Variants in KRT80 observed in about 807,000 individuals in gnomAD.
KRT80 encodes the protein keratin 80, also known as keratin, type II cytoskeletal 80.
KRT80 carries 36 observed loss-of-function variants against 51.5 expected under a neutral mutation model. That is an observed-to-expected ratio of 0.70 (90% CI 0.54 to 0.92). The LOEUF (loss-of-function observed/expected upper bound fraction) is 0.92. KRT80 is among the 40% of genes least tolerant of loss of function. The pLI is 0.00. For missense variants in KRT80, 566 were observed against 591.7 expected (o/e 0.96, Z 0.45); for synonymous variants, 235 against 248.3 (o/e 0.95, Z 0.50).
intron 4 of KRT80, among the ~76,000 whole-genome samples, chr12:52,177,212 T>C (rs577427298): frequency 6.6e-6 from 1 of 152,274 alleles, no homozygotes; most frequent in South Asian, 2.1e-4. Context: ...CACTAAACAG[T>C]AGTTAAGGAT....
chr12:52,191,476 G>T, intron 1 of KRT80, 127 bp downstream of exon 1: 1 of 937,112 alleles, frequency 1.1e-6, no homozygotes, highest in Non-Finnish European at 1.6e-6. Context: ...CGGGTTAGCA[G>T]TGCCATCTCC....
intron 4 of KRT80, among the ~76,000 whole-genome samples, chr12:52,178,573 C>A (rs1430539792): frequency 1.3e-5 from 2 of 152,206 alleles, no homozygotes; most frequent in Admixed American, 1.3e-4. Context: ...AGCGCAGCAC[C>A]CGGTTTCTTT....
In KRT80 at chr12:52,172,283, T is replaced by C; in HGVS notation, c.1093A>G (p.Lys365Glu). The change falls in exon 7 of 9, where the codon AAG becomes GAG. Residue 365 changes from lysine (K) to glutamate (E), a missense_variant. By Grantham distance (56) the Lys-to-Glu change is moderately conservative. Coordinates refer to ENST00000394815, the MANE Select transcript of KRT80 (RefSeq NM_182507.3). ...AKQDMARQLR[K>E]YQELMNVKLA... ...TTGACGTTCATCAGCTCCTGGTACT[T>C]GCGCAGCTGCCGCGCCATGTCCTGC... 6.2e-7 allele frequency: 1 copy of C among 1,613,936 alleles called. No homozygotes were observed. Among genetic ancestry groups the C allele is most frequent in the Non-Finnish European group, 8.5e-7 (1 of 1,179,862 alleles).
At chr12:52,191,076 A>G (rs1947431623) in intron 1 of KRT80, among the ~76,000 whole-genome samples, 1 of 152,162 alleles carries the variant, frequency 6.6e-6, no homozygotes, top group Non-Finnish European at 1.5e-5. Context: ...CCTCACTTGC[A>G]GCAGTCTGGG....
rs1046752908 is a variant in KRT80, at chr12:52,169,819, G to A, written c.*1579C>T. On this transcript the variant is annotated 3_prime_UTR_variant, in exon 9 of 9. Coordinates refer to ENST00000394815, the MANE Select transcript of KRT80 (RefSeq NM_182507.3). ...CAGCACCCTCTTTTGGGACTTTGGG[G>A]ATGAGAATCTCTGAGTTCCCATGGC... 1 of 152,272 alleles carries A rather than the reference G, an allele frequency of 6.6e-6. No homozygotes were observed. The highest frequency in any genetic ancestry group is 2.4e-5 in the African/African-American group (1 of 41,458). 9.4% of individuals were successfully genotyped at this position (152,272 alleles called of 1,614,324 possible). A position where few individuals can be genotyped will look rare whatever the true frequency, so the allele number is the denominator to read the frequency against.
chr12:52,185,374 CG>C lies in KRT80; in HGVS notation c.509+4del. The C allele has an allele frequency of 6.2e-7, 1 of 1,607,286 alleles. No homozygotes were observed. The highest frequency in any genetic ancestry group is 8.5e-7 in the Non-Finnish European group (1 of 1,176,312). On this transcript the variant is annotated splice_donor_region_variant and intron_variant, in intron 2 of 8. Transcript: ENST00000394815. ...TGCTCATGGCTCTCATGGGGCTCTA[CG>C]TACCTGATTCGAAACTCCTCAACCT... is the stretch of plus-strand genomic sequence containing the variant.
At chr12:52,179,733 C>T (rs1951258420) in intron 4 of KRT80, among the ~76,000 whole-genome samples, 2 of 152,252 alleles carry the variant, frequency 1.3e-5, no homozygotes, top group African/African-American at 2.4e-5. Context: ...CAGCAGTGTG[C>T]AGCACTTAGG....
At chr12:52,185,609 G>T (rs780247877) in intron 1 of KRT80, 22 bp from the exon 2 acceptor site, 3 of 1,599,484 alleles carry the variant, frequency 1.9e-6, no homozygotes, top group Non-Finnish European at 1.7e-6. Context: ...GGAAGGCGGC[G>T]AATGGGTCAG....
At chr12:52,186,942 C>T (rs1281423449) in intron 1 of KRT80, among the ~76,000 whole-genome samples, 2 of 152,154 alleles carry the variant, frequency 1.3e-5, no homozygotes, top group Non-Finnish European at 2.9e-5. Context: ...CTCCTCTCCT[C>T]CCCATTTGTT....
At chr12:52,187,547 T>C (rs1941424744) in intron 1 of KRT80, among the ~76,000 whole-genome samples, 1 of 152,212 alleles carries the variant, frequency 6.6e-6, no homozygotes, top group African/African-American at 2.4e-5. Flanking sequence ...TGAAGTGCTC[T>C]GACGACCCTT....
Position 52,191,904 on chromosome 12 carries a change from G to T in KRT80, c.-2C>A. ...AACCACGCAGGAGCGGCAGGCCATG[G>T]TGCCCCCGGCCGGAAGCAGGAGGGC... On this transcript the variant is annotated 5_prime_UTR_variant, in exon 1 of 9. Coordinates refer to ENST00000394815, the MANE Select transcript of KRT80 (RefSeq NM_182507.3). The T allele has an allele frequency of 1.4e-6, 2 of 1,465,854 alleles. No individual in the cohort carries two copies. The highest frequency in any genetic ancestry group is 1.8e-6 in the Non-Finnish European group (2 of 1,106,686). The allele number at this position is 1,465,854 out of a possible 1,614,324, so 90.8% of individuals were successfully genotyped here. A position where few individuals can be genotyped will look rare whatever the true frequency, so the allele number is the denominator to read the frequency against.
At chr12:52,186,819 C>T (rs775106220) in intron 1 of KRT80, among the ~76,000 whole-genome samples, 2 of 152,076 alleles carry the variant, frequency 1.3e-5, no homozygotes, top group Non-Finnish European at 2.9e-5. Flanking sequence ...GAGGGTCCTG[C>T]GCAGTCCTCT....
At chr12:52,186,286 G>C (rs1574409) in intron 1 of KRT80, among the ~76,000 whole-genome samples, 101 of 151,968 alleles carry the variant, frequency 6.6e-4, no homozygotes, top group Middle Eastern at 3.4e-3. Flanking sequence ...CTGTGACTCA[G>C]GTTGAAAGAC....
intron 2 of KRT80, among the ~76,000 whole-genome samples, chr12:52,181,307 C>G (rs1941317394): frequency 6.6e-6 from 1 of 152,132 alleles, no homozygotes; most frequent in Non-Finnish European, 1.5e-5. Context: ...TCATCTTTAC[C>G]TGACCTCCTT....
chr12:52,184,313 C>T (rs901845058), intron 2 of KRT80, among the ~76,000 whole-genome samples: 2 of 152,160 alleles, frequency 1.3e-5, no homozygotes, highest in Admixed American at 1.3e-4. Context: ...GAGGTCGGTG[C>T]AGGGCACAGC....
chr12:52,182,549 C>T (rs947522153), intron 2 of KRT80, among the ~76,000 whole-genome samples: 1 of 152,188 alleles, frequency 6.6e-6, no homozygotes, highest in Non-Finnish European at 1.5e-5. Context: ...AGAGTGCTTG[C>T]AGCGGGGGAC....
intron 1 of KRT80, 151 bp downstream of exon 1, chr12:52,191,452 C>G: frequency 1.3e-6 from 1 of 767,002 alleles, no homozygotes; most frequent in South Asian, 2.0e-5. Flanking sequence ...AGCCTCTGCT[C>G]AGAGCTAGCC....
At chr12:52,173,211 C>G in intron 5 of KRT80, 48 bp from the exon 6 acceptor site, 1 of 1,526,030 alleles carries the variant, frequency 6.6e-7, no homozygotes, top group Non-Finnish European at 8.8e-7. Flanking sequence ...GTGCCGCTCC[C>G]AGCACTTGTT....
intron 5 of KRT80, 140 bp downstream of exon 5, chr12:52,173,460 T>A: frequency 8.3e-6 from 5 of 601,698 alleles, no homozygotes; most frequent in South Asian, 1.7e-5. Context: ...GCCCGCCCCG[T>A]CCCTGTGCTT....
Sources: allele counts gnomAD v4.1 joint callset (sites outside exome capture counted in the v4.1 genomes callset), GRCh38; gene constraint gnomAD v4.1.1; transcripts MANE v1.5; gene names NCBI Gene and HGNC (gene_info 2026-07-23, HGNC 2026-07-21).